OAS3: variants seen among roughly 807,000 people sequenced by gnomAD.
OAS3 encodes the protein 2'-5'-oligoadenylate synthetase 3.
In OAS3, 107 loss-of-function variants were observed where a neutral mutation model predicts 113.0. That is an observed-to-expected ratio of 0.95 (90% CI 0.81 to 1.11). The LOEUF (loss-of-function observed/expected upper bound fraction) is 1.11, where lower values mean the gene tolerates loss of function less well. Ranked by LOEUF, OAS3 falls within the 50% of genes most tolerant of loss-of-function variation. The pLI is 0.00. For synonymous variants in OAS3, 552 were observed against 573.6 expected (o/e 0.96, Z 0.54); for missense variants, 1,258 against 1,389.1 (o/e 0.91, Z 1.50).
intron 11 of OAS3, 68 bp from the exon 12 acceptor site, chr12:112,965,675 AC>A: frequency 6.9e-7 from 1 of 1,454,926 alleles, no homozygotes; most frequent in Non-Finnish European, 9.2e-7. Context: ...AGGTTTTCTA[AC>A]TCACAGTCCA....
intron 6 of OAS3, 49 bp downstream of exon 6, chr12:112,949,254 C>G: frequency 1.3e-6 from 2 of 1,524,684 alleles, no homozygotes; most frequent in Non-Finnish European, 1.8e-6. Context: ...GAGGGATCAG[C>G]GTGGGGAAGG....
intron 7 of OAS3, 47 bp downstream of exon 7, chr12:112,951,022 C>T (rs756903043): frequency 4.5e-5 from 70 of 1,562,164 alleles, no homozygotes; most frequent in Non-Finnish European, 5.5e-5. Context: ...GGACCTCAGG[C>T]GCCCATCTAA....
At chr12:112,956,014 G>A (rs1182885727) in intron 7 of OAS3, among the ~76,000 whole-genome samples, 1 of 152,104 alleles carries the variant, frequency 6.6e-6, no homozygotes, top group Non-Finnish European at 1.5e-5. Flanking sequence ...CAATTTCAGA[G>A]TCTGTTATTG....
At chr12:112,942,095 G>A in intron 2 of OAS3, 2 of 604,982 alleles carry the variant, frequency 3.3e-6, no homozygotes, top group South Asian at 2.0e-5. Context: ...CAGGCATCTG[G>A]GAGTTTCCCT....
intron 7 of OAS3, among the ~76,000 whole-genome samples, chr12:112,957,652 C>T (rs78220999): frequency 0.72 from 108,760 of 152,080 alleles, 39,179 homozygotes; most frequent in East Asian, 0.91. Flanking sequence ...TTAAGAACGT[C>T]GAATATTGGC....
At position 112,967,502 on chromosome 12, in the gene OAS3, C is replaced by A; in HGVS notation, c.2774C>A (p.Thr925Asn). Reference protein sequence around the residue: ...HSYSNAGEYSTCFTELQRDFI... With the variant: ...HSYSNAGEYSNCFTELQRDFI... ...TACAGCAATGCGGGCGAGTACTCCA[C>A]CTGCTTCACAGAGCTACAACGGGAC... Residue 925 changes from threonine (T) to asparagine (N), a missense_variant, in exon 13 of 16, where the codon ACC (threonine) becomes AAC (asparagine). Coordinates refer to ENST00000228928, the MANE Select transcript of OAS3 (RefSeq NM_006187.4). The A allele has an allele frequency of 6.2e-7, 1 of 1,613,852 alleles. No homozygotes were observed. Among genetic ancestry groups the A allele is most frequent in the Non-Finnish European group, 8.5e-7 (1 of 1,179,848 alleles).
Position 112,970,329 on chromosome 12 carries a change from A to G in OAS3, c.*356A>G. 1 of 344,562 alleles carries G rather than the reference A, an allele frequency of 2.9e-6. No individual in the cohort carries two copies. Among genetic ancestry groups the G allele is most frequent in the Non-Finnish European group, 5.4e-6 (1 of 186,184 alleles). The allele number at this position is 344,562 out of a possible 1,614,324, so 21.3% of individuals were successfully genotyped here. A position where few individuals can be genotyped will look rare whatever the true frequency, so the allele number is the denominator to read the frequency against. On this transcript the variant is annotated 3_prime_UTR_variant, in exon 16 of 16. Transcript: ENST00000228928. ...TCCCTGACTCCTCTCTGCCCATGCA[A>G]ATTAGCTCACATCTTTCCTCCTGCT...
rs527844439 is a variant in OAS3 at position 112,954,352 on chromosome 12, G to A, written c.1657+3377G>A. 3.9e-5 allele frequency among the ~76,000 whole-genome samples: 6 copies of A among 152,136 alleles called. No individual in the cohort carries two copies. Among genetic ancestry groups the A allele is most frequent in the Admixed American group, 6.6e-5 (1 of 15,264 alleles). On this transcript the variant is annotated intron_variant, in intron 7 of 15. Coordinates refer to ENST00000228928, the MANE Select transcript of OAS3 (RefSeq NM_006187.4). The surrounding 1 kb of genome is among the most constrained non-coding windows in gnomAD (Gnocchi z 4.0). Reference sequence around the variant, plus strand: ...GTTGCCTAGGCTGGAGTGCAGTGACGCGATCTCGGCTCACTGCAAGCTCCA... The same window carrying A: ...GTTGCCTAGGCTGGAGTGCAGTGACACGATCTCGGCTCACTGCAAGCTCCA...
At position 112,947,991 on chromosome 12, in the gene OAS3, TG is replaced by T. The variant is rs1355462962; in HGVS notation, c.925del (p.Ala309GlnfsTer8). On this transcript the variant is annotated frameshift_variant, in exon 5 of 16. Transcript: ENST00000228928. LOFTEE classifies it high-confidence loss of function. ...PADPTWDLGNGAAWHWDLLAQ... is the reference protein window; with the variant it reads ...PADPTWDLGNXAAWHWDLLAQ... ...CTGACCCCACATGGGACCTGGGGAATGGGGCAGCCTGGCACTGGGATTTGCT... is the reference window on the plus strand; with the variant it reads ...CTGACCCCACATGGGACCTGGGGAATGGGCAGCCTGGCACTGGGATTTGCT... 2.5e-6 allele frequency: 4 copies of T among 1,603,126 alleles called. No individual in the cohort carries two copies. The highest frequency in any genetic ancestry group is 3.4e-6 in the Non-Finnish European group (4 of 1,175,112).
chr12:112,962,843 C>G lies in OAS3; in HGVS notation c.2025C>G (p.Asn675Lys). 1 of 1,614,034 alleles carries G rather than the reference C, an allele frequency of 6.2e-7. No homozygotes were observed. Among genetic ancestry groups the G allele is most frequent in the Non-Finnish European group, 8.5e-7 (1 of 1,179,900 alleles). ...HQQLCVYWTV[N>K]YSTEDPAMRM... is the part of the protein sequence containing the mutation. ...AGCTCTGTGTCTACTGGACGGTCAA[C>G]TATAGCACTGAGGACCCAGCCATGA... Residue 675 changes from asparagine to lysine, a missense_variant, in exon 9 of 16, where the codon AAC becomes AAG. Asn to Lys is a moderately conservative substitution (Grantham distance 94). Transcript: ENST00000228928.
At chr12:112,939,362 C>T (rs1464006382) in intron 1 of OAS3, among the ~76,000 whole-genome samples, 1 of 127,720 alleles carries the variant, frequency 7.8e-6, no homozygotes, top group African/African-American at 3.0e-5. Flanking sequence ...CTCTGTCACC[C>T]AGGCTGGAGT....
At position 112,954,577 on chromosome 12, in the gene OAS3, T is replaced by C. The variant is rs1011923595; in HGVS notation, c.1657+3602T>C. Reference sequence around the variant, plus strand: ...TCCCAAAGTGCTGGGATTACAGGCGTGAGCCACTGCGCCTGGCCCCATTTC... The same window carrying C: ...TCCCAAAGTGCTGGGATTACAGGCGCGAGCCACTGCGCCTGGCCCCATTTC... On this transcript the variant is annotated intron_variant, in intron 7 of 15. Transcript: ENST00000228928. The surrounding 1 kb of genome is among the most constrained non-coding windows in gnomAD (Gnocchi z 4.0). Among the ~76,000 whole-genome samples, 6 of 152,230 alleles carry C rather than the reference T, an allele frequency of 3.9e-5. No individual in the cohort carries two copies. The highest frequency in any genetic ancestry group is 8.8e-5 in the Non-Finnish European group (6 of 68,050).
chr12:112,944,680 A>T, intron 3 of OAS3, 29 bp downstream of exon 3: 1 of 1,611,458 alleles, frequency 6.2e-7, no homozygotes, highest in Non-Finnish European at 8.5e-7. Flanking sequence ...GTTTCTCCAG[A>T]CATGTGACTG....
In OAS3 at chr12:112,970,120, A is replaced by G; in HGVS notation, c.*147A>G. The G allele has an allele frequency of 1.1e-6, 1 of 925,184 alleles. No individual in the cohort carries two copies. The highest frequency in any genetic ancestry group is 1.7e-6 in the Non-Finnish European group (1 of 585,292). 57.3% of individuals were successfully genotyped at this position (925,184 alleles called of 1,614,324 possible). A position where few individuals can be genotyped will look rare whatever the true frequency, so the allele number is the denominator to read the frequency against. ...TGTGCATGTGTGTGCACACGTGTGC[A>G]TGTGTGTGTTTTAGTGAATCTGCTC... On this transcript the variant is annotated 3_prime_UTR_variant, in exon 16 of 16. Coordinates refer to ENST00000228928, the MANE Select transcript of OAS3 (RefSeq NM_006187.4).
At chr12:112,958,070 C>T (rs1171587992) in intron 7 of OAS3, among the ~76,000 whole-genome samples, 1 of 152,186 alleles carries the variant, frequency 6.6e-6, no homozygotes, top group African/African-American at 2.4e-5. Context: ...TCTCTTCTCA[C>T]TTCATTTCAT....
rs779528396 is a variant in OAS3, at chr12:112,944,480, G to A, written c.465G>A (p.Gln155=). The A allele has an allele frequency of 1.4e-5, 23 of 1,613,854 alleles. No individual in the cohort carries two copies. Among genetic ancestry groups the A allele is most frequent in the Non-Finnish European group, 1.9e-5 (23 of 1,179,870 alleles). ...CACAGCGCTTCACACCAACAGGTCA[G>A]GCCGGCTCCGGCGTCAAACCCAAGC... The part of the protein sequence containing the change: ...SLVPAFNVLG[Q]AGSGVKPKPQ... Residue 155 remains glutamine, a synonymous_variant, in exon 3 of 16, where the codon CAG becomes CAA. Coordinates refer to ENST00000228928, the MANE Select transcript of OAS3 (RefSeq NM_006187.4).
At position 112,961,106 on chromosome 12, in the gene OAS3, G is replaced by A; in HGVS notation, c.1693G>A (p.Val565Ile). 1 of 1,613,822 alleles carries A rather than the reference G, an allele frequency of 6.2e-7. No homozygotes were observed. Among genetic ancestry groups the A allele is most frequent in the Non-Finnish European group, 8.5e-7 (1 of 1,179,846 alleles). The change falls in exon 8 of 16, where the codon GTC becomes ATC. Residue 565 changes from valine to isoleucine, a missense_variant. Coordinates refer to ENST00000228928, the MANE Select transcript of OAS3 (RefSeq NM_006187.4). ...TTCTGGCACCAAACCAAATCCCCAG[G>A]TCTACTCGAGGCTCCTCACCAGTGG... ...LSSGTKPNPQ[V>I]YSRLLTSGCQ...
intron 3 of OAS3, 128 bp from the exon 4 acceptor site, chr12:112,946,615 G>C: frequency 3.8e-6 from 3 of 782,598 alleles, no homozygotes; most frequent in Non-Finnish European, 6.1e-6. Context: ...CTTGTTCTTG[G>C]AACAGGCTTG....
rs2043710655 is a variant in OAS3 at position 112,944,584 on chromosome 12, A to T, written c.569A>T (p.Asn190Ile). Residue 190 changes from asparagine to isoleucine, a missense_variant, in exon 3 of 16, where the codon AAC becomes ATC. Coordinates refer to ENST00000228928, the MANE Select transcript of OAS3 (RefSeq NM_006187.4). Reference sequence around the variant, plus strand: ...GCCTGCTTCACAGAGCTGCGGAGGAACTTTGTGAACATTCGCCCAGCCAAG... The same window carrying T: ...GCCTGCTTCACAGAGCTGCGGAGGATCTTTGTGAACATTCGCCCAGCCAAG... ...HAACFTELRR[N>I]FVNIRPAKLK... 6.2e-7 allele frequency: 1 copy of T among 1,614,076 alleles called. No individual in the cohort carries two copies. Among genetic ancestry groups the T allele is most frequent in the African/African-American group, 1.3e-5 (1 of 75,078 alleles).
Sources: allele counts gnomAD v4.1 joint callset (sites outside exome capture counted in the v4.1 genomes callset), GRCh38; gene constraint gnomAD v4.1.1; non-coding constraint Gnocchi (gnomAD v3.1); transcripts MANE v1.5; gene names NCBI Gene and HGNC (gene_info 2026-07-23, HGNC 2026-07-21).